The following TLE2 variants were observed in gnomAD, a reference collection of about 807,000 sequenced individuals.
TLE2 encodes TLE family member 2, transcriptional corepressor.
In TLE2, 74 loss-of-function variants were observed where a neutral mutation model predicts 97.2. That is an observed-to-expected ratio of 0.76 (90% CI 0.63 to 0.92). The LOEUF (loss-of-function observed/expected upper bound fraction) is 0.92, where lower values mean the gene tolerates loss of function less well. Ranked by LOEUF, TLE2 falls within the 40% of genes least tolerant of loss-of-function variation. The pLI is 0.00. For missense variants in TLE2, 1,038 were observed against 1,008.7 expected (o/e 1.03, Z -0.39); for synonymous variants, 499 against 432.1 (o/e 1.15, Z -1.92).
At chr19:2,997,979 A>G in intron 19 of TLE2, 24 bp from the exon 20 acceptor site, 1 of 1,564,346 alleles carries the variant, frequency 6.4e-7, no homozygotes, top group Non-Finnish European at 8.8e-7. Flanking sequence ...GGAGAGAGAA[A>G]AGGGCACAGT....
intron 5 of TLE2, among the ~76,000 whole-genome samples, chr19:3,021,328 C>T (rs2089839335): frequency 6.6e-6 from 1 of 151,452 alleles, no homozygotes. Context: ...ACACTTGAAC[C>T]CGGGAGTTAG....
intron 13 of TLE2, 54 bp from the exon 14 acceptor site, chr19:3,008,999 G>T: frequency 7.0e-7 from 1 of 1,432,806 alleles, no homozygotes; most frequent in Non-Finnish European, 9.4e-7. Context: ...ACCCACCTCT[G>T]TGCCACCCCA....
chr19:2,997,653 T>TA lies in TLE2; in HGVS notation c.*194dup, dbSNP rs1469405559. On this transcript the variant is annotated 3_prime_UTR_variant, in exon 20 of 20. Transcript: ENST00000262953. The stretch of plus-strand genomic sequence containing the variant: ...GAGAGAGAAGTGCGGATGTGATAGA[T>TA]ACATTTTATTTCCACCGAGGTCCCC... The TA allele has an allele frequency of 1.7e-6, 1 of 581,722 alleles. No individual in the cohort carries two copies. The highest frequency in any genetic ancestry group is 2.9e-5 in the Admixed American group (1 of 34,064). The allele number at this position is 581,722 out of a possible 1,614,324, so 36.0% of individuals were successfully genotyped here.
intron 5 of TLE2, among the ~76,000 whole-genome samples, chr19:3,022,918 A>G (rs1284346050): frequency 1.3e-5 from 2 of 152,146 alleles, no homozygotes; most frequent in African/African-American, 2.4e-5. Context: ...TGATATGTAC[A>G]TGAGTGGGCG....
intron 7 of TLE2, among the ~76,000 whole-genome samples, chr19:3,018,816 C>T (rs970125316): frequency 6.6e-6 from 1 of 151,682 alleles, no homozygotes; most frequent in Admixed American, 6.6e-5. Flanking sequence ...TGGGGTTTTC[C>T]CATGTTGGCC....
rs1293929100 is a variant in TLE2, at chr19:3,019,895, C to T, written c.295-122G>A. Reference sequence around the variant, plus strand: ...CTTTGCCCCGGTACTTCCCATTTCTCTTTTATCTTTTTCCCTCTCACTCTC... The same window carrying T: ...CTTTGCCCCGGTACTTCCCATTTCTTTTTTATCTTTTTCCCTCTCACTCTC... On this transcript the variant is annotated intron_variant, in intron 5 of 19. Coordinates refer to ENST00000262953, the MANE Select transcript of TLE2 (RefSeq NM_003260.5). The surrounding 1 kb of genome is among the most constrained non-coding windows in gnomAD (Gnocchi z 5.1). 9 of 1,302,132 alleles carry T rather than the reference C, an allele frequency of 6.9e-6. No homozygotes were observed. The highest frequency in any genetic ancestry group is 9.4e-6 in the Non-Finnish European group (9 of 955,984). The allele number at this position is 1,302,132 out of a possible 1,614,324, so 80.7% of individuals were successfully genotyped here. A position where few individuals can be genotyped will look rare whatever the true frequency, so the allele number is the denominator to read the frequency against.
intron 11 of TLE2, among the ~76,000 whole-genome samples, chr19:3,011,481 G>A (rs1214946716): frequency 1.9e-4 from 28 of 148,962 alleles, no homozygotes; most frequent in African/African-American, 6.4e-4. Context: ...GCAGTGAGCC[G>A]AGATCACGCC....
intron 11 of TLE2, among the ~76,000 whole-genome samples, 200 bp from the exon 12 acceptor site, chr19:3,011,360 T>G (rs1288022312): frequency 6.7e-6 from 1 of 150,288 alleles, no homozygotes; most frequent in Non-Finnish European, 1.5e-5. Flanking sequence ...AAACCCCATC[T>G]CTACTAAAAA....
intron 4 of TLE2, among the ~76,000 whole-genome samples, chr19:3,026,890 T>C (rs538703224): frequency 1.3e-5 from 2 of 149,786 alleles, no homozygotes; most frequent in South Asian, 2.1e-4. Context: ...TCTCTGACCC[T>C]TGAGGTCTAT....
rs577114719 is a variant in TLE2, at chr19:3,034,704, T to C, written c.64-5901A>G. ...ACGCGCGTACACACACACACACACA[T>C]ACACACACTGGATATAAACTGCTTG... is the stretch of plus-strand genomic sequence containing the variant. On this transcript the variant is annotated intron_variant, in intron 1 of 18. Transcript: ENST00000426948. Among the ~76,000 whole-genome samples, 81 of 149,306 alleles carry C rather than the reference T, an allele frequency of 5.4e-4. 1 individual carries two copies. Among genetic ancestry groups the C allele is most frequent in the African/African-American group, 2.0e-3 (80 of 39,144 alleles).
chr19:3,013,620 G>C (rs1034954302), intron 11 of TLE2, 49 bp downstream of exon 11: 2 of 1,328,836 alleles, frequency 1.5e-6, no homozygotes, highest in African/African-American at 1.5e-5. Context: ...CTGCTTCGGG[G>C]CCCCCGGGAT....
intron 15 of TLE2, 184 bp from the exon 16 acceptor site, chr19:3,006,152 A>T (rs1247821671): frequency 4.2e-6 from 4 of 945,162 alleles, no homozygotes; most frequent in Non-Finnish European, 6.9e-6. Context: ...TCTGACTATA[A>T]GCTCCATCCT....
chr19:2,997,952 T>C lies in TLE2; in HGVS notation c.2128A>G (p.Lys710Glu), dbSNP rs775214263. 6.2e-7 allele frequency: 1 copy of C among 1,610,036 alleles called. No individual in the cohort carries two copies. The highest frequency in any genetic ancestry group is 8.5e-7 in the Non-Finnish European group (1 of 1,177,602). ...TPYGASIFQSKESSSVLSCDI... is the reference protein window; with the variant it reads ...TPYGASIFQSEESSSVLSCDI... ...CAACTCAGGACTGAGGACGACTCCT[T>C]GGACTGCCAAGGGAAGGGAGAGAGA... is the stretch of plus-strand genomic sequence containing the variant. Residue 710 changes from lysine (K) to glutamate (E), a missense_variant, in exon 20 of 20, where the codon AAG becomes GAG. Physicochemically the swap from Lys to Glu is moderately conservative, Grantham distance 56. Transcript: ENST00000262953.
In TLE2 at chr19:3,019,515, C is replaced by A. The variant is rs754713549; in HGVS notation, c.370-52G>T. The A allele has an allele frequency of 4.1e-6, 6 of 1,480,726 alleles. No homozygotes were observed. The African/African-American group carries it at 5.6e-5, about 14-fold the overall frequency. 91.7% of individuals were successfully genotyped at this position (1,480,726 alleles called of 1,614,324 possible). A position where few individuals can be genotyped will look rare whatever the true frequency, so the allele number is the denominator to read the frequency against. The stretch of plus-strand genomic sequence containing the variant: ...GGGGCGGGGGGCGGCAGGAGCCCAG[C>A]GGTCCCCAGCCCAAGAGGTAGACAC... On this transcript the variant is annotated intron_variant, in intron 6 of 19. Transcript: ENST00000262953. This position sits in a 1 kb window ranked among gnomAD's most constrained non-coding sequence, Gnocchi z 5.1.
chr19:3,015,173 C>T (rs529366216), intron 9 of TLE2, among the ~76,000 whole-genome samples: 7 of 152,218 alleles, frequency 4.6e-5, no homozygotes, highest in African/African-American at 1.7e-4. Context: ...TTGCAGCTGC[C>T]CCTGTAGGTG....
At chr19:3,015,378 C>G (rs994369963) in intron 9 of TLE2, among the ~76,000 whole-genome samples, 13 of 152,086 alleles carry the variant, frequency 8.5e-5, no homozygotes, top group African/African-American at 3.1e-4. Context: ...GTTTCTAAAA[C>G]ATGTGTGTTC....
chr19:3,007,502 G>C (rs967352601), intron 14 of TLE2, among the ~76,000 whole-genome samples: 1 of 152,070 alleles, frequency 6.6e-6, no homozygotes, highest in Non-Finnish European at 1.5e-5. Context: ...CTCCCGCCTT[G>C]GCCTCCCAAA....
In TLE2 at chr19:3,013,806, C is replaced by T; in HGVS notation, c.736G>A (p.Glu246Lys). The T allele has an allele frequency of 6.5e-7, 1 of 1,545,144 alleles. No homozygotes were observed. Reference sequence around the variant, plus strand: ...GGGGTGGTAGCCGGGCTGGGGGGCTCTGAGGGTTGGTCCTGGGTTTGAGGA... The same window carrying T: ...GGGGTGGTAGCCGGGCTGGGGGGCTTTGAGGGTTGGTCCTGGGTTTGAGGA... ...NLVVDEDQPS[E>K]PPSPATTPCG... Residue 246 changes from glutamate (E) to lysine (K), a missense_variant, in exon 11 of 20, where the codon GAG becomes AAG. Coordinates refer to ENST00000262953, the MANE Select transcript of TLE2 (RefSeq NM_003260.5).
chr19:3,012,310 T>C (rs1169220680), intron 11 of TLE2, among the ~76,000 whole-genome samples: 3 of 151,604 alleles, frequency 2.0e-5, no homozygotes, highest in East Asian at 3.9e-4. Context: ...CAACCTCCCA[T>C]GCTCGAGTGA....
Sources: allele counts gnomAD v4.1 joint callset (sites outside exome capture counted in the v4.1 genomes callset), GRCh38; gene constraint gnomAD v4.1.1; non-coding constraint Gnocchi (gnomAD v3.1); transcripts MANE v1.5; gene names NCBI Gene and HGNC (gene_info 2026-07-23, HGNC 2026-07-21).